SCN1A: variants seen among roughly 807,000 people sequenced by gnomAD.
The protein encoded by SCN1A is sodium voltage-gated channel alpha subunit 1, also known as sodium channel protein type 1 subunit alpha.
Under a neutral mutation model 193.7 loss-of-function variants are expected in SCN1A, and 13 were observed. The observed-to-expected ratio is 0.07, with a 90% CI of 0.04 to 0.11. The LOEUF (loss-of-function observed/expected upper bound fraction) is 0.11. SCN1A is among the 10% of genes least tolerant of loss of function. SCN1A has a pLI of 1.00. For synonymous variants in SCN1A, 781 were observed against 843.6 expected (o/e 0.93, Z 1.29); for missense variants, 1,432 against 2,451.1 (o/e 0.58, Z 8.78).
At chr2:166,001,761 C>A (rs1241978460) in intron 24 of SCN1A, among the ~76,000 whole-genome samples, 2 of 149,622 alleles carry the variant, frequency 1.3e-5, no homozygotes, top group South Asian at 4.3e-4. Flanking sequence ...GTAGTGAAAA[C>A]ATTAATATTT....
In SCN1A at chr2:165,987,826, G is replaced by T. The variant is rs936406145; in HGVS notation, c.*3419C>A. The T allele has an allele frequency of 6.6e-6, 1 of 152,068 alleles. No individual in the cohort carries two copies. The highest frequency in any genetic ancestry group is 6.6e-5 in the Admixed American group (1 of 15,262). The allele number at this position is 152,068 out of a possible 1,614,324, so 9.4% of individuals were successfully genotyped here. A position where few individuals can be genotyped will look rare whatever the true frequency, so the allele number is the denominator to read the frequency against. Reference sequence around the variant, plus strand: ...AGTTCTTCTCTTTGTATTTGGAAAGGTAACAGTGAGTAATGGCGTGGATGG... The same window carrying T: ...AGTTCTTCTCTTTGTATTTGGAAAGTTAACAGTGAGTAATGGCGTGGATGG... On this transcript the variant is annotated 3_prime_UTR_variant, in exon 29 of 29. Coordinates refer to ENST00000674923, the MANE Select transcript of SCN1A (RefSeq NM_001165963.4).
chr2:166,044,118 C>T, intron 13 of SCN1A, 69 bp from the exon 14 acceptor site: 2 of 1,545,368 alleles, frequency 1.3e-6, no homozygotes, highest in Admixed American at 1.8e-5. Context: ...TTTCATTTTG[C>T]AAGATTATGT....
At chr2:166,004,664 A>G (rs1291840563) in intron 23 of SCN1A, among the ~76,000 whole-genome samples, 2 of 151,500 alleles carry the variant, frequency 1.3e-5, no homozygotes, top group Admixed American at 1.3e-4. Context: ...TCCACAATCT[A>G]TATTTCCAGT....
Position 166,036,423 on chromosome 2 carries a change from C to T in SCN1A, c.3054G>A (p.Arg1018=). The T allele has an allele frequency of 3.1e-6, 5 of 1,605,986 alleles. No homozygotes were observed. Among genetic ancestry groups the T allele is most frequent in the Non-Finnish European group, 4.2e-6 (5 of 1,177,548 alleles). ...TCACATAAGCTACTCCTTTGTGCAT[C>T]CTATCCACAGCAATTTGGAGATTAT... The part of the protein sequence containing the change: ...EMNNLQIAVD[R]MHKGVAYVKR... The change falls in exon 19 of 29, where the codon AGG becomes AGA. Residue 1018 remains arginine, a synonymous_variant. Transcript: ENST00000674923.
intron 2 of SCN1A, among the ~76,000 whole-genome samples, chr2:166,104,784 T>C (rs1487404677): frequency 6.6e-6 from 1 of 152,172 alleles, no homozygotes; most frequent in Non-Finnish European, 1.5e-5. Flanking sequence ...TATGAGACTA[T>C]GAGACCGCCA....
At chr2:166,066,459 T>C (rs904779025) in intron 4 of SCN1A, among the ~76,000 whole-genome samples, 4 of 152,116 alleles carry the variant, frequency 2.6e-5, no homozygotes, top group East Asian at 3.9e-4. Context: ...GAGGATAAAG[T>C]GAAATAAAAC....
chr2:166,023,440 C>T (rs1356041250), intron 19 of SCN1A, among the ~76,000 whole-genome samples: 1 of 152,240 alleles, frequency 6.6e-6, no homozygotes, highest in Non-Finnish European at 1.5e-5. Flanking sequence ...TCAAATAATT[C>T]TTCCTTTAGC....
chr2:166,123,285 C>A (rs1042444975), intron 2 of SCN1A, among the ~76,000 whole-genome samples: 19 of 140,898 alleles, frequency 1.3e-4, no homozygotes, highest in Non-Finnish European at 2.4e-4. Flanking sequence ...TCCCTCCAAG[C>A]AGCTCCTGTG....
chr2:166,043,763 A>G lies in SCN1A; in HGVS notation c.1949T>C (p.Val650Ala), dbSNP rs1170805105. 2 of 1,614,174 alleles carry G rather than the reference A, an allele frequency of 1.2e-6. No individual in the cohort carries two copies. Among genetic ancestry groups the G allele is most frequent in the South Asian group, 2.2e-5 (2 of 91,082 alleles). Residue 650 changes from valine (V) to alanine (A), a missense_variant, in exon 14 of 29, where the codon GTG becomes GCG. Val to Ala is a moderately conservative substitution (Grantham distance 64). Coordinates refer to ENST00000674923, the MANE Select transcript of SCN1A (RefSeq NM_001165963.4). ...TGAAGGTCCACCAACCAAGGAAACCACACCATTGCAATCCACAGTGCTGTG... is the reference window on the plus strand; with the variant it reads ...TGAAGGTCCACCAACCAAGGAAACCGCACCATTGCAATCCACAGTGCTGTG... ...KMHSTVDCNG[V>A]VSLVGGPSVP...
At chr2:166,091,782 G>A (rs995077601) in intron 2 of SCN1A, among the ~76,000 whole-genome samples, 1 of 152,094 alleles carries the variant, frequency 6.6e-6, no homozygotes, top group Non-Finnish European at 1.5e-5. Flanking sequence ...CTTTCCCCAC[G>A]CCACTAGAAT....
intron 16 of SCN1A, among the ~76,000 whole-genome samples, chr2:166,039,946 A>G (rs1168934707): frequency 8.8e-6 from 1 of 113,446 alleles, no homozygotes; most frequent in Non-Finnish European, 1.7e-5. Context: ...TTTTTTTGAG[A>G]CGGAGTGTCA....
At chr2:166,145,652 G>A (rs2212655) in intron 1 of SCN1A, among the ~76,000 whole-genome samples, 122,807 of 152,016 alleles carry the variant, frequency 0.81, 50,205 homozygotes, top group African/African-American at 0.94. Context: ...AAATTCATGG[G>A]AAGGTATAAT....
chr2:166,062,031 GT>G (rs1178858196), intron 4 of SCN1A, among the ~76,000 whole-genome samples: 3 of 152,102 alleles, frequency 2.0e-5, no homozygotes, highest in Non-Finnish European at 2.9e-5. Flanking sequence ...AATTGGTAAG[GT>G]TTTTACTGAA....
chr2:166,035,909 C>A (rs1490541299), intron 19 of SCN1A, 139 bp downstream of exon 19: 3 of 820,066 alleles, frequency 3.7e-6, no homozygotes, highest in African/African-American at 3.7e-5. Flanking sequence ...TAGTGAATGG[C>A]TATTGCTTTT....
intron 19 of SCN1A, chr2:166,016,538 T>C (rs1469572108): frequency 6.6e-6 from 1 of 151,992 alleles, no homozygotes; most frequent in Non-Finnish European, 1.5e-5. Context: ...CTTTCTAGAG[T>C]TCTCAGAAGA....
chr2:166,073,325 A>T, intron 4 of SCN1A, 33 bp downstream of exon 4: 2 of 1,612,192 alleles, frequency 1.2e-6, no homozygotes. Context: ...GTAGGCAATT[A>T]GCAGCAAAAT....
rs1688631241 is a variant in SCN1A at position 165,986,687 on chromosome 2, AAC to A, written c.*4556_*4557del. The A allele has an allele frequency of 1.1e-5, 1 of 92,058 alleles. No homozygotes were observed. Among genetic ancestry groups the A allele is most frequent in the Non-Finnish European group, 2.2e-5 (1 of 45,366 alleles). 5.7% of individuals were successfully genotyped at this position (92,058 alleles called of 1,614,324 possible). A position where few individuals can be genotyped will look rare whatever the true frequency, so the allele number is the denominator to read the frequency against. ...AACACGCAGACATAGGCACTTCAGTAACACACAGCAAAAAAAAAAAAAAAATC... is the reference window on the plus strand; with the variant it reads ...AACACGCAGACATAGGCACTTCAGTAACACAGCAAAAAAAAAAAAAAAATC... On this transcript the variant is annotated 3_prime_UTR_variant, in exon 29 of 29. Coordinates refer to ENST00000674923, the MANE Select transcript of SCN1A (RefSeq NM_001165963.4).
Position 166,041,479 on chromosome 2 carries a change from G to C in SCN1A, c.2177-10C>G. On this transcript the variant is annotated splice_polypyrimidine_tract_variant and intron_variant, in intron 15 of 28. Coordinates refer to ENST00000674923, the MANE Select transcript of SCN1A (RefSeq NM_001165963.4). ...CTGGATTCTTCAAGTTCTAGATTAA[G>C]AAAAAAAAAAAAAAGAACCACCAAA... is the stretch of plus-strand genomic sequence containing the variant. The C allele has an allele frequency of 3.5e-6, 4 of 1,133,912 alleles. No individual in the cohort carries two copies. The highest frequency in any genetic ancestry group is 5.1e-6 in the Non-Finnish European group (4 of 791,860). The allele number at this position is 1,133,912 out of a possible 1,614,324, so 70.2% of individuals were successfully genotyped here.
intron 16 of SCN1A, 59 bp from the exon 17 acceptor site, chr2:166,039,655 T>C (rs1479733298): frequency 6.8e-7 from 1 of 1,468,736 alleles, no homozygotes; most frequent in African/African-American, 1.4e-5. Flanking sequence ...TGACATAAGA[T>C]TTGCTCTTAG....
Sources: allele counts gnomAD v4.1 joint callset (sites outside exome capture counted in the v4.1 genomes callset), GRCh38; gene constraint gnomAD v4.1.1; transcripts MANE v1.5; gene names NCBI Gene and HGNC (gene_info 2026-07-23, HGNC 2026-07-21).